Variants in MAP3K5 observed in about 807,000 individuals in gnomAD.
MAP3K5 encodes mitogen-activated protein kinase kinase kinase 5, also known as ASK-1.
In MAP3K5, 56 loss-of-function variants were observed where a neutral mutation model predicts 158.7. That is an observed-to-expected ratio of 0.35 (90% CI 0.28 to 0.44). The LOEUF (loss-of-function observed/expected upper bound fraction) is 0.44, where lower values mean the gene tolerates loss of function less well. Ranked by LOEUF, MAP3K5 falls within the 20% of genes least tolerant of loss-of-function variation. The pLI is 1.00. For missense variants in MAP3K5, 1,294 were observed against 1,674.8 expected, an observed-to-expected ratio of 0.77 and a Z score of 3.97; for synonymous variants, 579 against 601.7, an observed-to-expected ratio of 0.96 and a Z score of 0.55.
chr6:136,684,238 A>G (rs1335145996), intron 7 of MAP3K5, among the ~76,000 whole-genome samples: 1 of 151,768 alleles, frequency 6.6e-6, no homozygotes, highest in Non-Finnish European at 1.5e-5. Context: ...TAAAAAAAAA[A>G]GGAAGAAAAA....
intron 14 of MAP3K5, among the ~76,000 whole-genome samples, chr6:136,632,404 C>CA (rs1427773217): frequency 1.3e-5 from 2 of 152,072 alleles, no homozygotes; most frequent in Admixed American, 1.3e-4. Flanking sequence ...GTAGTCCCAG[C>CA]TACTTAGGAG....
intron 21 of MAP3K5, 136 bp downstream of exon 21, chr6:136,600,886 T>A: frequency 1.3e-6 from 1 of 754,878 alleles, no homozygotes; most frequent in Non-Finnish European, 2.2e-6. Context: ...CACATCCTTA[T>A]AGTATCTAGT....
intron 1 of MAP3K5, among the ~76,000 whole-genome samples, chr6:136,789,506 G>A (rs942769126): frequency 4.6e-5 from 7 of 151,850 alleles, no homozygotes; most frequent in African/African-American, 1.7e-4. Context: ...AGTGGGCGCA[G>A]GAAAAAGAGG....
intron 22 of MAP3K5, 29 bp from the exon 23 acceptor site, chr6:136,592,370 A>C: frequency 6.3e-7 from 1 of 1,595,218 alleles, no homozygotes. Flanking sequence ...CATAAATCAC[A>C]GTTCCCTTTA....
At chr6:136,733,621 A>G (rs973972861) in intron 1 of MAP3K5, among the ~76,000 whole-genome samples, 8 of 151,478 alleles carry the variant, frequency 5.3e-5, no homozygotes, top group Non-Finnish European at 8.8e-5. Context: ...AAAACAAAAA[A>G]CAAACAAAAA....
intron 1 of MAP3K5, among the ~76,000 whole-genome samples, chr6:136,759,280 G>T (rs1234263395): frequency 6.6e-6 from 1 of 151,642 alleles, no homozygotes; most frequent in East Asian, 1.9e-4. Flanking sequence ...CTGAACATAG[G>T]CTGAACAATA....
intron 1 of MAP3K5, among the ~76,000 whole-genome samples, chr6:136,757,571 A>AT (rs1562679067): frequency 5.4e-5 from 6 of 111,136 alleles, no homozygotes; most frequent in African/African-American, 2.0e-4. Flanking sequence ...TTATAGATTT[A>AT]TTTATTTATT....
At chr6:136,565,970 T>C (rs142223503) in intron 26 of MAP3K5, among the ~76,000 whole-genome samples, 4 of 152,218 alleles carry the variant, frequency 2.6e-5, no homozygotes, top group Admixed American at 6.5e-5. Context: ...ACTAATGTAA[T>C]AAAGAAATGT....
chr6:136,628,252 C>T (rs1185857768), intron 14 of MAP3K5, among the ~76,000 whole-genome samples: 1 of 152,052 alleles, frequency 6.6e-6, no homozygotes, highest in African/African-American at 2.4e-5. Context: ...GCTGGGACTT[C>T]AGGTGTACAG....
At chr6:136,749,111 G>A (rs1416042336) in intron 1 of MAP3K5, among the ~76,000 whole-genome samples, 1 of 152,256 alleles carries the variant, frequency 6.6e-6, no homozygotes, top group East Asian at 1.9e-4. Context: ...GGCCAAAGCT[G>A]TTGTCACCTG....
At position 136,774,675 on chromosome 6, in the gene MAP3K5, AC is replaced by A. The variant is rs111527053; in HGVS notation, c.448+17034del. On this transcript the variant is annotated intron_variant, in intron 1 of 29. Transcript: ENST00000359015. Reference sequence around the variant, plus strand: ...AATGTGATCTTTGTCATTAACTCACACTTAAGCAGAAAAAGCAGACATCAAA... The same window carrying A: ...AATGTGATCTTTGTCATTAACTCACATTAAGCAGAAAAAGCAGACATCAAA... Among the ~76,000 whole-genome samples the A allele has an allele frequency of 3.3e-4, 50 of 152,298 alleles. 1 individual carries two copies. Among genetic ancestry groups the A allele is most frequent in the African/African-American group, 1.2e-3 (49 of 41,574 alleles).
intron 1 of MAP3K5, among the ~76,000 whole-genome samples, chr6:136,749,794 T>C (rs1453124240): frequency 2.0e-5 from 3 of 152,090 alleles, no homozygotes; most frequent in Non-Finnish European, 4.4e-5. Context: ...CCAGGATGAA[T>C]AAGGCTGGAA....
At chr6:136,628,222 C>T (rs1777136119) in intron 14 of MAP3K5, among the ~76,000 whole-genome samples, 1 of 151,970 alleles carries the variant, frequency 6.6e-6, no homozygotes, top group Non-Finnish European at 1.5e-5. Context: ...AGCAATCCTC[C>T]CACTTCAGCC....
At chr6:136,751,939 G>A (rs1783228172) in intron 1 of MAP3K5, among the ~76,000 whole-genome samples, 1 of 152,192 alleles carries the variant, frequency 6.6e-6, no homozygotes, top group African/African-American at 2.4e-5. Flanking sequence ...ACAGTAATCA[G>A]TTGGATTCTA....
At chr6:136,689,152 T>C (rs1476387222) in intron 7 of MAP3K5, among the ~76,000 whole-genome samples, 2 of 151,624 alleles carry the variant, frequency 1.3e-5, no homozygotes, top group Non-Finnish European at 2.9e-5. Flanking sequence ...ATTCAAAAAT[T>C]AGCCAAGTGT....
At chr6:136,731,822 C>T (rs919445086) in intron 1 of MAP3K5, among the ~76,000 whole-genome samples, 2 of 152,138 alleles carry the variant, frequency 1.3e-5, no homozygotes, top group African/African-American at 2.4e-5. Flanking sequence ...AGGTGATAAA[C>T]GTTTTCCAAG....
At chr6:136,746,158 C>A (rs1187593955) in intron 1 of MAP3K5, among the ~76,000 whole-genome samples, 4 of 152,080 alleles carry the variant, frequency 2.6e-5, no homozygotes, top group Admixed American at 2.6e-4. Context: ...CCCAATAGAA[C>A]AAATACCAAC....
At chr6:136,585,513 ATTT>A (rs1177682019) in intron 23 of MAP3K5, among the ~76,000 whole-genome samples, 2 of 106,402 alleles carry the variant, frequency 1.9e-5, no homozygotes, top group Non-Finnish European at 4.1e-5. Flanking sequence ...TTATTTATTT[ATTT>A]TTTGACAAAG....
Position 136,683,500 on chromosome 6 carries a change from T to G in MAP3K5, c.1253+10640A>C, listed in dbSNP as rs532510260. On this transcript the variant is annotated intron_variant, in intron 7 of 29. Transcript: ENST00000359015. ...TGACTGATGTCTTTCAGCTGCTGGT[T>G]CAACCTGCACTTGAGCCAGTCCTAC... Among the ~76,000 whole-genome samples the G allele has an allele frequency of 9.8e-5, 15 of 152,322 alleles. No individual in the cohort carries two copies. The South Asian group carries it at 2.7e-3, about 27-fold the overall frequency.
Sources: allele counts gnomAD v4.1 joint callset (sites outside exome capture counted in the v4.1 genomes callset), GRCh38; gene constraint gnomAD v4.1.1; transcripts MANE v1.5; gene names NCBI Gene and HGNC (gene_info 2026-07-23, HGNC 2026-07-21).